KIF5B: variants seen among roughly 807,000 people sequenced by gnomAD.
The protein encoded by KIF5B is kinesin-1 heavy chain.
Under a neutral mutation model 132.8 loss-of-function variants are expected in KIF5B, and 49 were observed. The observed-to-expected ratio is 0.37, with a 90% CI of 0.29 to 0.47. The LOEUF is 0.47. KIF5B is among the 20% of genes least tolerant of loss of function. The pLI, the probability that KIF5B is intolerant of heterozygous loss-of-function variation, is 1.00. For synonymous variants in KIF5B, 355 were observed against 369.4 expected (o/e 0.96, Z 0.45); for missense variants, 780 against 1,144.0 (o/e 0.68, Z 4.59).
intron 25 of KIF5B, among the ~76,000 whole-genome samples, chr10:32,014,264 G>A (rs918293815): frequency 2.0e-5 from 3 of 152,130 alleles, no homozygotes; most frequent in African/African-American, 7.2e-5. Flanking sequence ...GGTGGTGCAC[G>A]CCTGTAATCC....
In KIF5B at chr10:32,018,987, C is replaced by A. The variant is rs1489283618; in HGVS notation, c.2307-425G>T. On this transcript the variant is annotated intron_variant, in intron 20 of 25. Transcript: ENST00000302418. Reference sequence around the variant, plus strand: ...CTGAGATTATGGGTGTGAGCCACTGCAGCTTTGCAATTTCAAAAAATTTTC... The same window carrying A: ...CTGAGATTATGGGTGTGAGCCACTGAAGCTTTGCAATTTCAAAAAATTTTC... Among the ~76,000 whole-genome samples the A allele has an allele frequency of 3.4e-5, 5 of 146,658 alleles. No individual in the cohort carries two copies. The East Asian group carries it at 1.0e-3, about 30-fold the overall frequency.
At chr10:32,042,131 A>T (rs2132609501) in intron 2 of KIF5B, among the ~76,000 whole-genome samples, 1 of 152,284 alleles carries the variant, frequency 6.6e-6, no homozygotes, top group East Asian at 1.9e-4. Context: ...CCTCTGTTGG[A>T]AACAGCATAT....
chr10:32,033,963 A>G lies in KIF5B; in HGVS notation c.1187T>C (p.Ile396Thr), dbSNP rs370876366. ...NLEAFTVDKD[I>T]TLTNDKPATA... is the part of the protein sequence containing the mutation. ...TGCTGGTTTATCATTGGTAAGAGTA[A>G]TATCTTTATCCACTGTGAAAGCTTC... is the stretch of plus-strand genomic sequence containing the variant. Residue 396 changes from isoleucine to threonine, a missense_variant, in exon 12 of 26, where the codon ATT (isoleucine) becomes ACT (threonine). Transcript: ENST00000302418. The G allele has an allele frequency of 6.2e-6, 10 of 1,611,896 alleles. No homozygotes were observed. Among genetic ancestry groups the G allele is most frequent in the African/African-American group, 2.7e-5 (2 of 74,848 alleles).
At chr10:32,012,522 T>G (rs975576361) in intron 25 of KIF5B, among the ~76,000 whole-genome samples, 1 of 152,140 alleles carries the variant, frequency 6.6e-6, no homozygotes, top group Admixed American at 6.5e-5. Flanking sequence ...TTAAGATAGA[T>G]TATAAGAGTT....
chr10:32,050,468 T>C (rs1040733903), intron 1 of KIF5B, among the ~76,000 whole-genome samples: 4 of 152,240 alleles, frequency 2.6e-5, no homozygotes, highest in Admixed American at 2.6e-4. Context: ...AATGAATGCC[T>C]GGAGCTGTAG....
intron 14 of KIF5B, 97 bp downstream of exon 14, chr10:32,030,976 T>C (rs558848726): frequency 3.4e-4 from 272 of 811,852 alleles, no homozygotes; most frequent in Non-Finnish European, 4.8e-4. Context: ...ATGTTATCGA[T>C]ATTTGACTTA....
intron 8 of KIF5B, 126 bp from the exon 9 acceptor site, chr10:32,036,120 ATCT>A: frequency 1.8e-6 from 1 of 550,912 alleles, no homozygotes; most frequent in South Asian, 3.5e-5. Flanking sequence ...AAGCTTCATG[ATCT>A]TATTTGCCAA....
Position 32,022,850 on chromosome 10 carries a change from G to C in KIF5B, c.1912C>G (p.Gln638Glu), listed in dbSNP as rs1415684622. 1 of 1,600,094 alleles carries C rather than the reference G, an allele frequency of 6.2e-7. No homozygotes were observed. The highest frequency in any genetic ancestry group is 1.3e-5 in the African/African-American group (1 of 74,672). ...ATAAACTTTGTTCTATAACATACTTGAGAGATACGAAGCTGACATGCTGCT... is the reference window on the plus strand; with the variant it reads ...ATAAACTTTGTTCTATAACATACTTCAGAGATACGAAGCTGACATGCTGCT... Reference protein sequence around the residue: ...ELAACQLRISQHEAKIKSLTE... With the variant: ...ELAACQLRISEHEAKIKSLTE... The change falls in exon 16 of 26, where the codon CAA becomes GAA. Residue 638 changes from glutamine to glutamate, a missense_variant and splice_region_variant. By Grantham distance (29) the Gln-to-Glu change is conservative. Around this residue, in one of 9 missense-constraint regions of KIF5B, gnomAD observed 471 missense variants for 569.9 expected, o/e 0.83. Transcript: ENST00000302418.
At chr10:32,032,127 G>T (rs1040696878) in intron 13 of KIF5B, among the ~76,000 whole-genome samples, 1 of 151,908 alleles carries the variant, frequency 6.6e-6, no homozygotes, top group Non-Finnish European at 1.5e-5. Flanking sequence ...GGAAATCTGT[G>T]GGAGTGTTAA....
intron 1 of KIF5B, among the ~76,000 whole-genome samples, chr10:32,050,689 T>C (rs1306501312): frequency 2.0e-5 from 3 of 152,252 alleles, no homozygotes; most frequent in Non-Finnish European, 4.4e-5. Context: ...CTGATCTCAC[T>C]TTGGCATCAA....
chr10:32,050,563 G>C (rs2132617593), intron 1 of KIF5B, among the ~76,000 whole-genome samples: 1 of 152,296 alleles, frequency 6.6e-6, no homozygotes, highest in Admixed American at 6.5e-5. Flanking sequence ...GAACCGTGAA[G>C]GGCCTATATC....
At chr10:32,024,185 C>T (rs1451464679) in intron 15 of KIF5B, among the ~76,000 whole-genome samples, 7 of 108,442 alleles carry the variant, frequency 6.5e-5, no homozygotes, top group South Asian at 6.8e-4. Flanking sequence ...GACGGAGTCT[C>T]GCTCTGTCGC....
In KIF5B at chr10:32,056,089, T is replaced by A; in HGVS notation, c.-116A>T. On this transcript the variant is annotated 5_prime_UTR_variant, in exon 1 of 26. Transcript: ENST00000302418. ...AGGGCCGTGAGAGGCAGCAGTCAGC[T>A]GCGCCGCGCTGCGCTTCCCCGGGTG... 1 of 1,267,866 alleles carries A rather than the reference T, an allele frequency of 7.9e-7. No individual in the cohort carries two copies. The highest frequency in any genetic ancestry group is 1.5e-5 in the African/African-American group (1 of 65,072). 78.5% of individuals were successfully genotyped at this position (1,267,866 alleles called of 1,614,324 possible).
chr10:32,026,025 T>A (rs1379931212), intron 15 of KIF5B, among the ~76,000 whole-genome samples: 1 of 152,206 alleles, frequency 6.6e-6, no homozygotes, highest in African/African-American at 2.4e-5. Flanking sequence ...GTGTGGGAAC[T>A]ATTCTAAATA....
At chr10:32,030,098 C>T (rs1353417875) in intron 14 of KIF5B, among the ~76,000 whole-genome samples, 1 of 152,164 alleles carries the variant, frequency 6.6e-6, no homozygotes, top group African/African-American at 2.4e-5. Flanking sequence ...TAGCATTAAC[C>T]ACAACAAAAC....
intron 1 of KIF5B, among the ~76,000 whole-genome samples, chr10:32,054,852 G>A (rs566862333): frequency 1.3e-5 from 2 of 151,952 alleles, no homozygotes; most frequent in South Asian, 2.1e-4. Flanking sequence ...TCACATTCTG[G>A]TCTCACTGAT....
intron 2 of KIF5B, 107 bp from the exon 3 acceptor site, chr10:32,040,564 ATTAC>A: frequency 1.5e-6 from 1 of 669,680 alleles, no homozygotes; most frequent in Non-Finnish European, 2.6e-6. Context: ...TAAAAAAAAA[ATTAC>A]TTAATGTTAC....
chr10:32,034,257 G>A (rs981281684), intron 11 of KIF5B, among the ~76,000 whole-genome samples: 16 of 151,764 alleles, frequency 1.1e-4, no homozygotes, highest in Admixed American at 5.9e-4. Flanking sequence ...GATTACAGGC[G>A]CTCAGCACCA....
chr10:32,051,244 A>G (rs528085643), intron 1 of KIF5B, among the ~76,000 whole-genome samples: 1 of 152,350 alleles, frequency 6.6e-6, no homozygotes, highest in East Asian at 1.9e-4. Flanking sequence ...TTTTTAGTAG[A>G]GATGAGGTTT....
Sources: allele counts gnomAD v4.1 joint callset (sites outside exome capture counted in the v4.1 genomes callset), GRCh38; gene constraint gnomAD v4.1.1; regional missense constraint gnomAD v4.1.1; transcripts MANE v1.5; gene names NCBI Gene and HGNC (gene_info 2026-07-23, HGNC 2026-07-21).